ASTN2: variants seen among roughly 807,000 people sequenced by gnomAD.
ASTN2 encodes astrotactin 2.
Under a neutral mutation model 139.8 loss-of-function variants are expected in ASTN2, and 54 were observed. That is an observed-to-expected ratio of 0.39 (90% CI 0.31 to 0.48). ASTN2 has a LOEUF of 0.48. ASTN2 is among the 20% of genes least tolerant of loss of function. The pLI, the probability that ASTN2 is intolerant of heterozygous loss-of-function variation, is 0.95. For synonymous variants in ASTN2, 756 were observed against 719.5 expected (o/e 1.05, Z -0.81); for missense variants, 1,565 against 1,725.1 (o/e 0.91, Z 1.64).
At chr9:117,195,099 G>C (rs963216277) in intron 3 of ASTN2, among the ~76,000 whole-genome samples, 1 of 152,114 alleles carries the variant, frequency 6.6e-6, no homozygotes, top group African/African-American at 2.4e-5. Flanking sequence ...AGCCTACTAA[G>C]ATAATTAAAA....
intron 12 of ASTN2, among the ~76,000 whole-genome samples, chr9:116,819,962 A>G (rs1472678861): frequency 6.6e-6 from 1 of 152,190 alleles, no homozygotes; most frequent in African/African-American, 2.4e-5. Context: ...CCAGGGAGAG[A>G]ACATGACTTG....
chr9:117,410,369 C>G (rs1831127053), intron 1 of ASTN2, among the ~76,000 whole-genome samples: 1 of 152,092 alleles, frequency 6.6e-6, no homozygotes, highest in Non-Finnish European at 1.5e-5. Flanking sequence ...TGCTCAAATT[C>G]TTTCTTTTCT....
At chr9:117,325,376 C>T (rs1292081640) in intron 1 of ASTN2, among the ~76,000 whole-genome samples, 1 of 152,134 alleles carries the variant, frequency 6.6e-6, no homozygotes, top group Non-Finnish European at 1.5e-5. Context: ...TTTTCATTGC[C>T]ATGGGCTCTT....
chr9:116,805,921 A>G, intron 12 of ASTN2, 101 bp from the exon 13 acceptor site: 1 of 1,178,320 alleles, frequency 8.5e-7, no homozygotes, highest in Non-Finnish European at 1.2e-6. Context: ...AACAGGTCAG[A>G]GTTTAGGAAG....
intron 4 of ASTN2, among the ~76,000 whole-genome samples, chr9:117,118,256 CT>C (rs1829449637): frequency 6.6e-6 from 1 of 152,148 alleles, no homozygotes; most frequent in African/African-American, 2.4e-5. Context: ...AGCCAGAGTT[CT>C]TTTTTGCCCT....
chr9:117,207,308 C>T (rs558083071), intron 3 of ASTN2, among the ~76,000 whole-genome samples: 111 of 152,290 alleles, frequency 7.3e-4, no homozygotes, highest in Non-Finnish European at 1.4e-3. Flanking sequence ...ACCAGCCAAG[C>T]AACTGTGCAG....
At chr9:116,985,659 A>G (rs1020276200) in intron 7 of ASTN2, among the ~76,000 whole-genome samples, 3 of 152,230 alleles carry the variant, frequency 2.0e-5, no homozygotes, top group African/African-American at 7.2e-5. Context: ...CTGATTAAGT[A>G]TGGAGTGGGG....
At chr9:117,174,771 T>C (rs1476467105) in intron 3 of ASTN2, among the ~76,000 whole-genome samples, 1 of 152,048 alleles carries the variant, frequency 6.6e-6, no homozygotes, top group Non-Finnish European at 1.5e-5. Flanking sequence ...GATTAGTATA[T>C]TAGGAATAGA....
intron 17 of ASTN2, among the ~76,000 whole-genome samples, chr9:116,646,154 G>C (rs546906323): frequency 6.6e-6 from 1 of 152,218 alleles, no homozygotes; most frequent in Non-Finnish European, 1.5e-5. Flanking sequence ...CAAGCCGGTA[G>C]AGCAAAGAAC....
In ASTN2 at chr9:117,316,781, C is replaced by T. The variant is rs142139043; in HGVS notation, c.443-25268G>A. ...AATAAACCACAAACTGCTATGGGGG[C>T]GTGAGCAGTTTCCTGACATCCAGAC... On this transcript the variant is annotated intron_variant, in intron 1 of 22. Transcript: ENST00000313400. 2.3e-3 allele frequency among the ~76,000 whole-genome samples: 344 copies of T among 152,276 alleles called. 1 individual carries two copies. Among genetic ancestry groups the T allele is most frequent in the Middle Eastern group, 6.8e-3 (2 of 294 alleles).
At chr9:117,183,433 C>T (rs1259416777) in intron 3 of ASTN2, among the ~76,000 whole-genome samples, 1 of 152,180 alleles carries the variant, frequency 6.6e-6, no homozygotes, top group Non-Finnish European at 1.5e-5. Flanking sequence ...CTCCTTTAAG[C>T]ATTGTGACAT....
chr9:117,246,618 C>T (rs1055812816), intron 2 of ASTN2, among the ~76,000 whole-genome samples: 1 of 152,186 alleles, frequency 6.6e-6, no homozygotes, highest in African/African-American at 2.4e-5. Context: ...CAGTGGAACT[C>T]GGATTTCCCA....
Position 117,298,110 on chromosome 9 carries a change from A to G in ASTN2, c.443-6597T>C, listed in dbSNP as rs76807368. On this transcript the variant is annotated intron_variant, in intron 1 of 22. Coordinates refer to ENST00000313400, the MANE Select transcript of ASTN2 (RefSeq NM_001365068.1). ...AACTGACCATATAATTCCATTGCTC[A>G]AAACCCTCCAATGTTTTCTACTATC... Among the ~76,000 whole-genome samples the G allele has an allele frequency of 8.2e-3, 1,253 of 152,326 alleles. 14 individuals are homozygous for G. Among genetic ancestry groups the G allele is most frequent in the African/African-American group, 0.028 (1,175 of 41,578 alleles).
chr9:117,134,266 TTATATATATATATATA>T (rs5900267), intron 4 of ASTN2, among the ~76,000 whole-genome samples: 1 of 92,618 alleles, frequency 1.1e-5, no homozygotes, highest in African/African-American at 5.1e-5. Context: ...CTAATGAAAA[TTATATATATATATATA>T]TATATATATA....
intron 12 of ASTN2, among the ~76,000 whole-genome samples, chr9:116,812,243 G>T (rs1466090408): frequency 6.6e-6 from 1 of 152,170 alleles, no homozygotes; most frequent in East Asian, 1.9e-4. Context: ...CCGAACACCT[G>T]AGGTTATCTG....
chr9:116,660,178 A>G (rs1167639771), intron 16 of ASTN2, among the ~76,000 whole-genome samples: 1 of 151,180 alleles, frequency 6.6e-6, no homozygotes, highest in African/African-American at 2.5e-5. Context: ...GCACACACAC[A>G]CACACACACA....
At position 116,441,191 on chromosome 9, in the gene ASTN2, A is replaced by T. The variant is rs188216791; in HGVS notation, c.3599-399T>A. ...CCTCCTTCTATTTCCCCTTTGTTGT[A>T]TTTCCAACACATTTCTGTGATCAGG... On this transcript the variant is annotated intron_variant, in intron 21 of 22. Transcript: ENST00000313400. Among the ~76,000 whole-genome samples the T allele has an allele frequency of 3.9e-5, 6 of 152,126 alleles. No homozygotes were observed. In the East Asian group the frequency reaches 9.7e-4, roughly 25 times the overall value.
chr9:117,311,758 C>G (rs1827982843), intron 1 of ASTN2, among the ~76,000 whole-genome samples: 1 of 152,190 alleles, frequency 6.6e-6, no homozygotes, highest in Non-Finnish European at 1.5e-5. Context: ...GGTTTTGCCT[C>G]TTTTGTTCAC....
intron 7 of ASTN2, among the ~76,000 whole-genome samples, chr9:116,985,258 A>G (rs1339641641): frequency 2.0e-5 from 3 of 152,198 alleles, no homozygotes; most frequent in Admixed American, 2.0e-4. Flanking sequence ...TGGACTCCGC[A>G]TTGTAGCTGC....
Sources: allele counts gnomAD v4.1 joint callset (sites outside exome capture counted in the v4.1 genomes callset), GRCh38; gene constraint gnomAD v4.1.1; transcripts MANE v1.5; gene names NCBI Gene and HGNC (gene_info 2026-07-23, HGNC 2026-07-21).